Variants in RAD21 observed in about 807,000 individuals in gnomAD.
RAD21 encodes the protein RAD21 cohesin complex component.
In RAD21, 18 loss-of-function variants were observed where a neutral mutation model predicts 71.5. That is an observed-to-expected ratio of 0.25 (90% CI 0.17 to 0.37). The LOEUF is 0.37. Among genes scored for constraint, RAD21 ranks in the 10% least tolerant of loss-of-function variants. The pLI, the probability that RAD21 is intolerant of heterozygous loss-of-function variation, is 1.00. For missense variants in RAD21, 493 were observed against 769.1 expected, an observed-to-expected ratio of 0.64 and a Z score of 4.25; for synonymous variants, 248 against 254.0, an observed-to-expected ratio of 0.98 and a Z score of 0.22.
In RAD21 at chr8:116,847,204, C is replaced by G. The variant is rs1377567614; in HGVS notation, c.*296G>C. 13 of 297,822 alleles carry G rather than the reference C, an allele frequency of 4.4e-5. No individual in the cohort carries two copies. In the East Asian group the frequency reaches 6.4e-4, roughly 15 times the overall value. The allele number at this position is 297,822 out of a possible 1,614,324, so 18.4% of individuals were successfully genotyped here. A position where few individuals can be genotyped will look rare whatever the true frequency, so the allele number is the denominator to read the frequency against. The stretch of plus-strand genomic sequence containing the variant: ...AAAATCATGACTTTTGACTGCCACT[C>G]AACATTATTACATGCACCAATATTG... On this transcript the variant is annotated 3_prime_UTR_variant, in exon 14 of 14. Coordinates refer to ENST00000297338, the MANE Select transcript of RAD21 (RefSeq NM_006265.3).
chr8:116,855,491 T>A (rs933387842), intron 8 of RAD21, among the ~76,000 whole-genome samples: 1 of 152,196 alleles, frequency 6.6e-6, no homozygotes, highest in African/African-American at 2.4e-5. Flanking sequence ...ATTTCCAGTT[T>A]TTAAATTTAA....
At chr8:116,861,094 G>A (rs1396060713) in intron 4 of RAD21, among the ~76,000 whole-genome samples, 1 of 151,968 alleles carries the variant, frequency 6.6e-6, no homozygotes, top group Non-Finnish European at 1.5e-5. Flanking sequence ...AAGTAAAATA[G>A]CTAGATAGAG....
At chr8:116,866,453 A>G in intron 2 of RAD21, 133 bp downstream of exon 2, 5 of 734,976 alleles carry the variant, frequency 6.8e-6, no homozygotes, top group Non-Finnish European at 1.0e-5. Flanking sequence ...AGGACTTCAC[A>G]TAATAAAGAA....
chr8:116,859,121 C>T (rs1377654694), intron 4 of RAD21, among the ~76,000 whole-genome samples: 3 of 146,560 alleles, frequency 2.0e-5, no homozygotes, highest in South Asian at 2.1e-4. Context: ...AAAAAAAAGC[C>T]GACATGTCAA....
chr8:116,852,517 C>G (rs1812372536), intron 10 of RAD21, 32 bp downstream of exon 10: 1 of 1,555,354 alleles, frequency 6.4e-7, no homozygotes, highest in Admixed American at 1.9e-5. Flanking sequence ...CTCATGTGAA[C>G]TTCATCAAGG....
At chr8:116,854,647 A>G (rs1017811658) in intron 8 of RAD21, among the ~76,000 whole-genome samples, 179 bp from the exon 9 acceptor site, 4 of 152,176 alleles carry the variant, frequency 2.6e-5, no homozygotes, top group African/African-American at 9.7e-5. Flanking sequence ...TTCAGAAGAG[A>G]GGCTGGAACA....
At position 116,863,085 on chromosome 8, in the gene RAD21, C is replaced by T. The variant is rs149122445; in HGVS notation, c.274+45G>A. 1,358 of 1,558,554 alleles carry T rather than the reference C, an allele frequency of 8.7e-4. 9 individuals are homozygous for T. The African/African-American group carries it at 0.018, about 20-fold the overall frequency. On this transcript the variant is annotated intron_variant, in intron 3 of 13. Transcript: ENST00000297338. ...AGTAACACAAAAAACATGAGAAACTCCAAAGTAAACAACAACAACAAAAAC... is the reference window on the plus strand; with the variant it reads ...AGTAACACAAAAAACATGAGAAACTTCAAAGTAAACAACAACAACAAAAAC...
At chr8:116,873,232 T>C (rs1812871871) in intron 1 of RAD21, among the ~76,000 whole-genome samples, 1 of 151,988 alleles carries the variant, frequency 6.6e-6, no homozygotes, top group Non-Finnish European at 1.5e-5. Flanking sequence ...CACAAAATAA[T>C]TCACCAGAAA....
chr8:116,856,507 C>G, intron 7 of RAD21, 139 bp downstream of exon 7: 2 of 1,241,886 alleles, frequency 1.6e-6, no homozygotes, highest in East Asian at 5.4e-5. Context: ...AGAATCAGAA[C>G]CAGTAATCAT....
At chr8:116,867,032 A>G (rs1031743882) in intron 1 of RAD21, 2 of 209,432 alleles carry the variant, frequency 9.5e-6, no homozygotes, top group African/African-American at 4.6e-5. Context: ...TTTCATTTCT[A>G]TCTTGATTGA....
At chr8:116,868,665 G>T (rs1294005525) in intron 1 of RAD21, among the ~76,000 whole-genome samples, 1 of 151,916 alleles carries the variant, frequency 6.6e-6, no homozygotes, top group African/African-American at 2.4e-5. Flanking sequence ...AAACTATTTT[G>T]AAAAATAGTG....
intron 12 of RAD21, among the ~76,000 whole-genome samples, 187 bp downstream of exon 12, chr8:116,850,431 C>T (rs960295990): frequency 6.6e-6 from 1 of 152,104 alleles, no homozygotes; most frequent in African/African-American, 2.4e-5. Flanking sequence ...TGAGTTACAG[C>T]GAAGCATAAA....
chr8:116,867,733 T>C (rs1231583848), intron 1 of RAD21, among the ~76,000 whole-genome samples: 6 of 152,172 alleles, frequency 3.9e-5, no homozygotes, highest in Non-Finnish European at 8.8e-5. Flanking sequence ...GTACAATACA[T>C]AAAATTTTAA....
At chr8:116,868,087 G>A (rs563045542) in intron 1 of RAD21, among the ~76,000 whole-genome samples, 1 of 152,112 alleles carries the variant, frequency 6.6e-6, no homozygotes, top group Admixed American at 6.5e-5. Flanking sequence ...CTGTCTCCCA[G>A]GCTGAAGTGC....
At chr8:116,848,286 T>A (rs1018583563) in intron 13 of RAD21, among the ~76,000 whole-genome samples, 1 of 152,198 alleles carries the variant, frequency 6.6e-6, no homozygotes, top group East Asian at 1.9e-4. Flanking sequence ...CCAAAGTATG[T>A]TATGGTACAT....
chr8:116,856,597 C>A, intron 7 of RAD21, 49 bp downstream of exon 7: 1 of 1,518,458 alleles, frequency 6.6e-7, no homozygotes, highest in Non-Finnish European at 8.9e-7. Context: ...AAGTATCTTT[C>A]TGGATGCCAT....
chr8:116,867,313 C>T (rs1438651882), intron 1 of RAD21, among the ~76,000 whole-genome samples: 4 of 152,094 alleles, frequency 2.6e-5, no homozygotes, highest in Non-Finnish European at 4.4e-5. Context: ...TTAGAAAAAT[C>T]GAAGTTCAAA....
intron 2 of RAD21, among the ~76,000 whole-genome samples, chr8:116,864,527 T>TGATCAAATTC (rs373361416): frequency 0.28 from 43,218 of 151,916 alleles, 6,214 homozygotes; most frequent in South Asian, 0.47. Flanking sequence ...ATACCAAATT[T>TGATCAAATTC]GTGATCAAAT....
At chr8:116,851,642 C>T (rs1342463786) in intron 11 of RAD21, 15 of 224,588 alleles carry the variant, frequency 6.7e-5, no homozygotes, top group Non-Finnish European at 1.3e-4. Flanking sequence ...CTGCCTAGTA[C>T]TGAAGGTGTG....
Sources: allele counts gnomAD v4.1 joint callset (sites outside exome capture counted in the v4.1 genomes callset), GRCh38; gene constraint gnomAD v4.1.1; transcripts MANE v1.5; gene names NCBI Gene and HGNC (gene_info 2026-07-23, HGNC 2026-07-21).